The following FGF12 variants were observed in gnomAD, a reference collection of about 807,000 sequenced individuals.
FGF12 encodes fibroblast growth factor 12B.
FGF12 carries 14 observed loss-of-function variants against 23.6 expected under a neutral mutation model. The observed-to-expected ratio is 0.59, with a 90% CI of 0.39 to 0.93. The LOEUF is 0.93. Among genes scored for constraint, FGF12 ranks in the 40% least tolerant of loss-of-function variants. FGF12 has a pLI of 0.00. For synonymous variants in FGF12, 62 were observed against 77.3 expected (o/e 0.80, Z 1.04); for missense variants, 175 against 217.8 (o/e 0.80, Z 1.24).
intron 2 of FGF12, among the ~76,000 whole-genome samples, chr3:192,490,773 G>C (rs1723779105): frequency 6.6e-6 from 1 of 152,026 alleles, no homozygotes; most frequent in Non-Finnish European, 1.5e-5. Flanking sequence ...ACAAAGCAAA[G>C]CACCTAGGAT....
intron 2 of FGF12, among the ~76,000 whole-genome samples, chr3:192,392,414 A>AAAATAAATAAATAAATAAAT (rs60248403): frequency 4.9e-4 from 71 of 143,712 alleles, no homozygotes; most frequent in South Asian, 1.3e-3. Flanking sequence ...CTAAAAATAA[A>AAAATAAATAAATAAATAAAT]AAATAAATAA....
chr3:192,210,282 G>T (rs139129136), intron 4 of FGF12, among the ~76,000 whole-genome samples: 3 of 152,324 alleles, frequency 2.0e-5, no homozygotes, highest in Admixed American at 1.3e-4. Flanking sequence ...TAGAAGTTGG[G>T]TGTCAGTGTA....
At chr3:192,493,911 C>A (rs933940943) in intron 2 of FGF12, among the ~76,000 whole-genome samples, 6 of 151,686 alleles carry the variant, frequency 4.0e-5, no homozygotes, top group Non-Finnish European at 7.4e-5. Flanking sequence ...AGATCCAAAC[C>A]CTATCACAGG....
intron 2 of FGF12, among the ~76,000 whole-genome samples, chr3:192,637,263 C>T (rs1715616908): frequency 6.6e-6 from 1 of 152,204 alleles, no homozygotes; most frequent in African/African-American, 2.4e-5. Context: ...CACCTCTCCT[C>T]TGGCCACCGA....
intron 2 of FGF12, among the ~76,000 whole-genome samples, chr3:192,601,100 C>A (rs769321893): frequency 1.3e-5 from 2 of 151,966 alleles, no homozygotes; most frequent in African/African-American, 4.8e-5. Flanking sequence ...AAATACACAA[C>A]GAAATACCAT....
intron 2 of FGF12, among the ~76,000 whole-genome samples, chr3:192,479,112 T>C (rs1365557943): frequency 6.6e-6 from 1 of 152,224 alleles, no homozygotes; most frequent in Non-Finnish European, 1.5e-5. Flanking sequence ...TTAGTTCTTC[T>C]TTTTCTGGAT....
At chr3:192,291,343 G>A (rs962191308) in intron 4 of FGF12, among the ~76,000 whole-genome samples, 21 of 152,094 alleles carry the variant, frequency 1.4e-4, no homozygotes, top group African/African-American at 4.1e-4. Context: ...CACTTTGGGA[G>A]GGCAAGGGAG....
chr3:192,434,279 T>C (rs1721949297), intron 2 of FGF12, among the ~76,000 whole-genome samples: 1 of 152,162 alleles, frequency 6.6e-6, no homozygotes, highest in Admixed American at 6.5e-5. Context: ...TTAGCCTCTG[T>C]TCAGCGGAAG....
intron 2 of FGF12, among the ~76,000 whole-genome samples, chr3:192,563,102 A>G (rs542671276): frequency 5.3e-5 from 8 of 152,304 alleles, no homozygotes; most frequent in African/African-American, 1.4e-4. Flanking sequence ...AGAAGATTAG[A>G]CTTTTTTATG....
chr3:192,253,745 G>A lies in FGF12; in HGVS notation c.228+81616C>T, dbSNP rs78448788. On this transcript the variant is annotated intron_variant, in intron 4 of 5. Transcript: ENST00000445105. ...AGACTCTCGGCATAAAAAGATGCAG[G>A]AAATTTTCCCCACAGAATGATTTAG... Among the ~76,000 whole-genome samples the A allele has an allele frequency of 1.8e-3, 279 of 152,070 alleles. 1 individual carries two copies. Among genetic ancestry groups the A allele is most frequent in the African/African-American group, 6.4e-3 (266 of 41,504 alleles).
At chr3:192,721,592 A>C (rs1719041030) in intron 2 of FGF12, among the ~76,000 whole-genome samples, 1 of 152,210 alleles carries the variant, frequency 6.6e-6, no homozygotes. Flanking sequence ...TCAGTAGCAC[A>C]AAACACCAAA....
intron 2 of FGF12, among the ~76,000 whole-genome samples, chr3:192,654,700 C>A (rs186793267): frequency 6.6e-6 from 1 of 152,174 alleles, no homozygotes; most frequent in Non-Finnish European, 1.5e-5. Flanking sequence ...GCTTCTTGAA[C>A]GTAGTCCGTT....
At chr3:192,193,088 T>C (rs1447911222) in intron 4 of FGF12, among the ~76,000 whole-genome samples, 4 of 152,124 alleles carry the variant, frequency 2.6e-5, no homozygotes, top group Non-Finnish European at 4.4e-5. Flanking sequence ...GTGGTCTGGG[T>C]TCTCAAGCTC....
chr3:192,201,155 T>C (rs1387009883), intron 4 of FGF12, among the ~76,000 whole-genome samples: 7 of 152,194 alleles, frequency 4.6e-5, no homozygotes, highest in Non-Finnish European at 8.8e-5. Flanking sequence ...GATGTATGAA[T>C]ATGGAAGGAG....
At chr3:192,535,313 G>T (rs917583570) in intron 2 of FGF12, among the ~76,000 whole-genome samples, 1 of 152,032 alleles carries the variant, frequency 6.6e-6, no homozygotes, top group Admixed American at 6.5e-5. Flanking sequence ...ATATCCATAG[G>T]GAAAAAATTC....
At chr3:192,148,586 G>T (rs1389296728) in intron 5 of FGF12, among the ~76,000 whole-genome samples, 2 of 152,144 alleles carry the variant, frequency 1.3e-5, no homozygotes, top group African/African-American at 4.8e-5. Context: ...ACTTAAAAAT[G>T]ATTAAAATGG....
intron 2 of FGF12, among the ~76,000 whole-genome samples, chr3:192,665,243 C>T (rs1716822654): frequency 6.6e-6 from 1 of 151,916 alleles, no homozygotes; most frequent in Non-Finnish European, 1.5e-5. Context: ...TAGACTTTTA[C>T]CTAAATATGA....
chr3:192,330,999 C>T (rs1717086347), intron 4 of FGF12, among the ~76,000 whole-genome samples: 1 of 151,998 alleles, frequency 6.6e-6, no homozygotes, highest in Non-Finnish European at 1.5e-5. Flanking sequence ...AGAACTCCTA[C>T]AACTCAGTAA....
intron 4 of FGF12, among the ~76,000 whole-genome samples, chr3:192,187,566 G>C (rs1359042263): frequency 6.6e-6 from 1 of 152,170 alleles, no homozygotes; most frequent in African/African-American, 2.4e-5. Context: ...TAATGATAAA[G>C]AGATTAATAA....
Sources: allele counts gnomAD v4.1 joint callset (sites outside exome capture counted in the v4.1 genomes callset), GRCh38; gene constraint gnomAD v4.1.1; transcripts MANE v1.5; gene names NCBI Gene and HGNC (gene_info 2026-07-23, HGNC 2026-07-21).